Variants in ARHGAP40 observed in about 807,000 individuals in gnomAD.
ARHGAP40 encodes Rho GTPase activating protein 40.
ARHGAP40 carries 43 observed loss-of-function variants against 73.5 expected under a neutral mutation model. The ratio of observed to expected loss-of-function variants is 0.58; its 90% CI spans 0.46 to 0.75. The LOEUF (loss-of-function observed/expected upper bound fraction) is 0.75, where lower values mean the gene tolerates loss of function less well. Among genes scored for constraint, ARHGAP40 ranks in the 30% least tolerant of loss-of-function variants. The probability of loss-of-function intolerance (pLI) is 0.00; values close to 1 mark genes in which losing one functional copy is unlikely to be tolerated. For synonymous variants in ARHGAP40, 300 were observed against 352.8 expected, an observed-to-expected ratio of 0.85 and a Z score of 1.68; for missense variants, 734 against 861.8, an observed-to-expected ratio of 0.85 and a Z score of 1.86.
chr20:38,601,820 A>C, exon 1 of ARHGAP40: 1 of 1,164,814 alleles, frequency 8.6e-7, no homozygotes, highest in Non-Finnish European at 1.1e-6. Context: ...GTCCTGCATG[A>C]GGGTGTCTGG....
rs909841821 is a variant in ARHGAP40, at chr20:38,628,946, G to A, written c.578G>A (p.Gly193Asp). The A allele has an allele frequency of 5.4e-6, 7 of 1,304,846 alleles. No homozygotes were observed. The highest frequency in any genetic ancestry group is 2.1e-4 in the Middle Eastern group (1 of 4,718). The allele number at this position is 1,304,846 out of a possible 1,614,324, so 80.8% of individuals were successfully genotyped here. The stretch of plus-strand genomic sequence containing the variant: ...GCATAGAAAATGTCGTCAGAGAATG[G>A]CGACTCCGGTATGAAGGGGGCCCAG... The change falls in exon 4 of 15, where the codon GGC (glycine) becomes GAC (aspartate). Residue 193 changes from glycine to aspartate, a missense_variant. Physicochemically the swap from Gly to Asp is moderately conservative, Grantham distance 94. Transcript: ENST00000373345.
intron 8 of ARHGAP40, 89 bp from the exon 9 acceptor site, chr20:38,639,138 G>C: frequency 1.6e-6 from 2 of 1,249,214 alleles, no homozygotes; most frequent in Non-Finnish European, 1.1e-6. Context: ...CCACTTTGCA[G>C]ATGAGGAAAC....
intron 1 of ARHGAP40, among the ~76,000 whole-genome samples, chr20:38,605,509 G>C (rs911752077): frequency 5.9e-5 from 9 of 152,194 alleles, no homozygotes; most frequent in African/African-American, 2.2e-4. Flanking sequence ...TATTGGCCTT[G>C]GGAGGTGCCT....
intron 5 of ARHGAP40, among the ~76,000 whole-genome samples, 183 bp from the exon 6 acceptor site, chr20:38,634,437 T>A (rs1164186525): frequency 6.6e-6 from 1 of 152,192 alleles, no homozygotes; most frequent in Admixed American, 6.5e-5. Flanking sequence ...AGCCTCAGAA[T>A]GTCACTCCGT....
chr20:38,602,008 AC>A lies in ARHGAP40; in HGVS notation c.68del (p.Pro23ArgfsTer76). 7.8e-7 allele frequency: 1 copy of A among 1,287,528 alleles called. No individual in the cohort carries two copies. The allele number at this position is 1,287,528 out of a possible 1,614,324, so 79.8% of individuals were successfully genotyped here. A position where few individuals can be genotyped will look rare whatever the true frequency, so the allele number is the denominator to read the frequency against. On this transcript the variant is annotated frameshift_variant, in exon 1 of 15. Transcript: ENST00000373345. LOFTEE classifies it high-confidence loss of function. Reference sequence around the variant, plus strand: ...GGCTGGCCCCAGGGCCCCTAGCCTCACCGTGTCCTCGGATCCCGCGGGCCCG... The same window carrying A: ...GGCTGGCCCCAGGGCCCCTAGCCTCACGTGTCCTCGGATCCCGCGGGCCCG...
intron 1 of ARHGAP40, chr20:38,615,455 A>G (rs920993470): frequency 4.3e-6 from 3 of 700,376 alleles, no homozygotes; most frequent in South Asian, 2.9e-5. Context: ...TCAGCCAGGA[A>G]CTCGACCTCG....
At chr20:38,639,422 G>A (rs1274545644) in intron 9 of ARHGAP40, 36 bp downstream of exon 9, 2 of 1,288,920 alleles carry the variant, frequency 1.6e-6, no homozygotes, top group South Asian at 2.5e-5. Context: ...GTGCAGGGAT[G>A]GAGAGTTGGC....
intron 3 of ARHGAP40, among the ~76,000 whole-genome samples, chr20:38,628,725 C>A (rs2088918564): frequency 6.6e-6 from 1 of 152,228 alleles, no homozygotes; most frequent in African/African-American, 2.4e-5. Flanking sequence ...AAACCACAGG[C>A]TTTGGAGCCA....
chr20:38,632,349 G>T (rs112661374), intron 5 of ARHGAP40, among the ~76,000 whole-genome samples: 30 of 151,710 alleles, frequency 2.0e-4, no homozygotes, highest in African/African-American at 7.0e-4. Context: ...TGCAAGCTCC[G>T]CCCCCTGGGT....
intron 1 of ARHGAP40, among the ~76,000 whole-genome samples, chr20:38,615,628 A>T (rs1364768103): frequency 6.6e-6 from 1 of 152,112 alleles, no homozygotes; most frequent in Non-Finnish European, 1.5e-5. Flanking sequence ...CCTGACTCAG[A>T]ACCGGATGTG....
chr20:38,619,166 G>A (rs2088860401), intron 1 of ARHGAP40, among the ~76,000 whole-genome samples: 1 of 152,164 alleles, frequency 6.6e-6, no homozygotes, highest in Non-Finnish European at 1.5e-5. Context: ...GGAAGAAGGA[G>A]GTACGTGAGA....
intron 1 of ARHGAP40, among the ~76,000 whole-genome samples, chr20:38,620,873 C>T (rs1411618029): frequency 6.6e-6 from 1 of 152,194 alleles, no homozygotes; most frequent in African/African-American, 2.4e-5. Context: ...GGGCAGGACG[C>T]TTGAGAGGAA....
At chr20:38,636,279 T>G (rs77946262) in intron 6 of ARHGAP40, among the ~76,000 whole-genome samples, 1 of 151,022 alleles carries the variant, frequency 6.6e-6, no homozygotes, top group Non-Finnish European at 1.5e-5. Context: ...TTTTTTTTTT[T>G]GAGAGAAAGT....
intron 6 of ARHGAP40, among the ~76,000 whole-genome samples, 183 bp downstream of exon 6, chr20:38,634,968 G>A (rs1330248869): frequency 1.3e-5 from 2 of 150,432 alleles, no homozygotes; most frequent in African/African-American, 2.4e-5. Context: ...TGCAACCTCC[G>A]CCTCCCGGGT....
chr20:38,650,141 T>G (rs185435916), exon 15 of ARHGAP40: 411 of 359,268 alleles, frequency 1.1e-3, no homozygotes, highest in African/African-American at 8.2e-3. Flanking sequence ...AGCTCTCATG[T>G]TTTAACCGTG....
In ARHGAP40 at chr20:38,641,855, G is replaced by A. The variant is rs545002654; in HGVS notation, c.1362+47G>A. ...CACCACTCTGCCATCTCAGCCCACA[G>A]CCACAGCCATGGCTTCAAATGTGCT... On this transcript the variant is annotated intron_variant, in intron 10 of 14. Transcript: ENST00000373345. 8.9e-5 allele frequency: 108 copies of A among 1,214,792 alleles called. 1 individual carries two copies. In the South Asian group the frequency reaches 1.5e-3, roughly 17 times the overall value. 75.3% of individuals were successfully genotyped at this position (1,214,792 alleles called of 1,614,324 possible). A position where few individuals can be genotyped will look rare whatever the true frequency, so the allele number is the denominator to read the frequency against.
chr20:38,611,547 G>A (rs1002497961), intron 1 of ARHGAP40, among the ~76,000 whole-genome samples: 5 of 150,562 alleles, frequency 3.3e-5, no homozygotes, highest in African/African-American at 1.2e-4. Flanking sequence ...CCTCCTGAAC[G>A]GCTGGGACTC....
chr20:38,645,493 G>GCA (rs2089045858), intron 11 of ARHGAP40, among the ~76,000 whole-genome samples: 2 of 152,310 alleles, frequency 1.3e-5, no homozygotes, highest in South Asian at 4.1e-4. Context: ...CCTTTAGACA[G>GCA]CACACACATA....
intron 11 of ARHGAP40, among the ~76,000 whole-genome samples, chr20:38,645,633 T>C (rs911630088): frequency 6.6e-6 from 1 of 151,910 alleles, no homozygotes; most frequent in Admixed American, 6.5e-5. Flanking sequence ...CAGAGAGGCA[T>C]GGGTTGATCT....
Sources: gnomAD v4.1 joint callset for allele counts (sites outside exome capture counted in the v4.1 genomes callset) on GRCh38, gnomAD v4.1.1 for gene constraint, MANE v1.5 for transcripts, NCBI Gene and HGNC (gene_info 2026-07-23, HGNC 2026-07-21) for gene names.